Variants in MGAT4C observed in about 807,000 individuals in gnomAD.
The protein encoded by MGAT4C is alpha-1,3-mannosyl-glycoprotein 4-beta-N-acetylglucosaminyltransferase C.
A neutral mutation model predicts 40.1 loss-of-function variants in MGAT4C; 19 were observed. That is an observed-to-expected ratio of 0.47 (90% CI 0.33 to 0.70). The LOEUF (loss-of-function observed/expected upper bound fraction) is 0.70. Ranked by LOEUF, MGAT4C falls within the 30% of genes least tolerant of loss-of-function variation. The pLI is 0.02. For synonymous variants in MGAT4C, 181 were observed against 187.1 expected (o/e 0.97, Z 0.27); for missense variants, 491 against 563.2 (o/e 0.87, Z 1.30).
At chr12:86,380,904 T>C (rs1272616669) in intron 3 of MGAT4C, among the ~76,000 whole-genome samples, 1 of 152,208 alleles carries the variant, frequency 6.6e-6, no homozygotes, top group African/African-American at 2.4e-5. Context: ...TTAAAAGACA[T>C]TTATTTCCTC....
At chr12:86,077,798 C>T (rs143835694) in intron 1 of MGAT4C, among the ~76,000 whole-genome samples, 314 of 152,284 alleles carry the variant, frequency 2.1e-3, no homozygotes, top group African/African-American at 7.2e-3. Flanking sequence ...TCCTGTACTC[C>T]ATGCACACTC....
At chr12:86,385,551 TG>T (rs745692589) in intron 3 of MGAT4C, among the ~76,000 whole-genome samples, 10 of 152,232 alleles carry the variant, frequency 6.6e-5, no homozygotes, top group Non-Finnish European at 1.5e-4. Flanking sequence ...TAAAATCGAA[TG>T]GCCTATGCAT....
At chr12:86,574,110 C>A (rs1960470987) in intron 2 of MGAT4C, among the ~76,000 whole-genome samples, 1 of 151,716 alleles carries the variant, frequency 6.6e-6, no homozygotes, top group Non-Finnish European at 1.5e-5. Flanking sequence ...TCCCCTACCC[C>A]TCTAAATGAC....
At chr12:86,296,617 C>G (rs1358103139) in intron 4 of MGAT4C, among the ~76,000 whole-genome samples, 2 of 152,224 alleles carry the variant, frequency 1.3e-5, no homozygotes, top group African/African-American at 4.8e-5. Flanking sequence ...CTGGGGGTCC[C>G]AGTACACCCT....
chr12:85,983,464 C>A, intron 4 of MGAT4C, 59 bp downstream of exon 4: 1 of 1,379,420 alleles, frequency 7.2e-7, no homozygotes, highest in South Asian at 1.6e-5. Flanking sequence ...GTGAAACTAT[C>A]ATTATTTTAA....
intron 2 of MGAT4C, among the ~76,000 whole-genome samples, chr12:86,025,547 A>G (rs1218357162): frequency 6.6e-6 from 1 of 151,768 alleles, no homozygotes; most frequent in African/African-American, 2.4e-5. Flanking sequence ...TCATAAAACA[A>G]TATTTTTTAT....
In MGAT4C at chr12:86,110,300, C is replaced by CTATATATAGTCTATA. The variant is rs1592965353; in HGVS notation, c.-56-60578_-56-60577insTATAGACTATATATA. On this transcript the variant is annotated intron_variant, in intron 1 of 4. Transcript: ENST00000611864. ...TATAGTCTATATATATATAGTCTCT[C>CTATATATAGTCTATA]TATATATATATATATATAGTCTCTC... Among the ~76,000 whole-genome samples, 100 of 12,210 alleles carry CTATATATAGTCTATA rather than the reference C, an allele frequency of 8.2e-3. 6 individuals are homozygous for CTATATATAGTCTATA. Among genetic ancestry groups the CTATATATAGTCTATA allele is most frequent in the African/African-American group, 0.012 (29 of 2,322 alleles). The allele number at this position is 12,210 out of a possible 152,430, so 8.0% of individuals were successfully genotyped here.
At chr12:86,442,081 T>C (rs1957240285) in intron 2 of MGAT4C, among the ~76,000 whole-genome samples, 1 of 152,206 alleles carries the variant, frequency 6.6e-6, no homozygotes, top group Non-Finnish European at 1.5e-5. Context: ...GATTTGCATT[T>C]CTCTGATGGC....
At position 86,663,206 on chromosome 12, in the gene MGAT4C, A is replaced by C. The variant is rs560891941; in HGVS notation, c.-229+64003T>G. On this transcript the variant is annotated intron_variant, in intron 2 of 7. Transcript: ENST00000548651. ...AAACTCTGTCTCTACAGAAAATACG[A>C]AAAATTAGTTGGACACAGTAGTGCA... Among the ~76,000 whole-genome samples, 6 of 152,080 alleles carry C rather than the reference A, an allele frequency of 3.9e-5. No homozygotes were observed. The East Asian group carries it at 1.2e-3, about 30-fold the overall frequency.
At chr12:86,548,214 C>G (rs79917565) in intron 2 of MGAT4C, among the ~76,000 whole-genome samples, 1,856 of 152,020 alleles carry the variant, frequency 0.012, 20 homozygotes, top group Middle Eastern at 0.041. Context: ...AAAAATAAGT[C>G]AAAGTAAGAA....
intron 1 of MGAT4C, among the ~76,000 whole-genome samples, chr12:86,145,938 A>C (rs910493325): frequency 6.6e-6 from 1 of 152,176 alleles, no homozygotes; most frequent in African/African-American, 2.4e-5. Flanking sequence ...CGACATGAAA[A>C]GTATTTATAC....
intron 2 of MGAT4C, among the ~76,000 whole-genome samples, chr12:86,505,753 G>T (rs1958461194): frequency 6.6e-6 from 1 of 152,144 alleles, no homozygotes; most frequent in African/African-American, 2.4e-5. Context: ...ATGCAAGATA[G>T]AAATGTATTT....
At chr12:86,320,917 T>C (rs1954369435) in intron 4 of MGAT4C, among the ~76,000 whole-genome samples, 1 of 152,128 alleles carries the variant, frequency 6.6e-6, no homozygotes, top group Admixed American at 6.6e-5. Flanking sequence ...TCTTAATGGA[T>C]CAAAATCTAC....
chr12:86,782,149 C>T (rs1301955547), intron 1 of MGAT4C, among the ~76,000 whole-genome samples: 23 of 147,696 alleles, frequency 1.6e-4, no homozygotes, highest in East Asian at 4.0e-4. Flanking sequence ...TCCGCCACCA[C>T]GCCTGGCTAA....
At chr12:86,081,252 T>C (rs950803269) in intron 1 of MGAT4C, among the ~76,000 whole-genome samples, 1 of 152,154 alleles carries the variant, frequency 6.6e-6, no homozygotes, top group Non-Finnish European at 1.5e-5. Context: ...CTATAGATGG[T>C]AAGGAACAAT....
chr12:86,726,253 T>C (rs1315810041), intron 2 of MGAT4C, among the ~76,000 whole-genome samples: 2 of 152,220 alleles, frequency 1.3e-5, no homozygotes, highest in Non-Finnish European at 2.9e-5. Context: ...GGAAGTCACA[T>C]GAATACACAT....
chr12:86,526,141 G>A (rs952870800), intron 2 of MGAT4C, among the ~76,000 whole-genome samples: 2 of 152,164 alleles, frequency 1.3e-5, no homozygotes, highest in African/African-American at 4.8e-5. Flanking sequence ...TTGGGCAAGG[G>A]TGGTTGCTCA....
chr12:86,576,864 C>A (rs544286585), intron 2 of MGAT4C, among the ~76,000 whole-genome samples: 12 of 151,836 alleles, frequency 7.9e-5, no homozygotes, highest in Non-Finnish European at 1.3e-4. Context: ...TAAAGAATAT[C>A]ATTGGTATTT....
intron 2 of MGAT4C, among the ~76,000 whole-genome samples, chr12:86,464,381 G>T (rs1455529520): frequency 6.6e-6 from 1 of 152,062 alleles, no homozygotes; most frequent in East Asian, 1.9e-4. Context: ...AATTGTATCC[G>T]CAGTTCTTAA....
Sources: gnomAD v4.1 joint callset for allele counts (sites outside exome capture counted in the v4.1 genomes callset) on GRCh38, gnomAD v4.1.1 for gene constraint, MANE v1.5 for transcripts, NCBI Gene and HGNC (gene_info 2026-07-23, HGNC 2026-07-21) for gene names.